The following SUGCT variants were observed in gnomAD, a reference collection of about 807,000 sequenced individuals.
SUGCT encodes the protein succinyl-CoA:glutarate-CoA transferase, also known as succinyl-CoA:glutarate CoA-transferase.
A neutral mutation model predicts 55.0 loss-of-function variants in SUGCT; 41 were observed. The observed-to-expected ratio is 0.74, with a 90% CI of 0.58 to 0.97. The LOEUF (loss-of-function observed/expected upper bound fraction) is 0.97. Ranked by LOEUF, SUGCT falls within the 50% of genes least tolerant of loss-of-function variation. The pLI is 0.00. For missense variants in SUGCT, 568 were observed against 547.8 expected (o/e 1.04, Z -0.37); for synonymous variants, 187 against 200.4 (o/e 0.93, Z 0.56).
the SUGCT span, among the ~76,000 whole-genome samples, chr7:40,887,084 C>T: frequency 6.6e-6 from 1 of 152,160 alleles, no homozygotes; most frequent in African/African-American, 2.4e-5. Flanking sequence ...CTTTGAGGAC[C>T]TCAAGGTGGA....
In SUGCT at chr7:40,173,845, T is replaced by A. The variant is rs541454328; in HGVS notation, c.101-7102T>A. On this transcript the variant is annotated intron_variant, in intron 1 of 13. Transcript: ENST00000335693. Reference sequence around the variant, plus strand: ...TATAGAAATAATATATAGTATATCATATAAATTATATATAATGTATTATAT... The same window carrying A: ...TATAGAAATAATATATAGTATATCAAATAAATTATATATAATGTATTATAT... Among the ~76,000 whole-genome samples the A allele has an allele frequency of 6.1e-4, 91 of 149,076 alleles. 2 individuals are homozygous for A. The South Asian group carries it at 0.018, about 29-fold the overall frequency.
At chr7:40,418,846 T>G (rs973915878) in intron 9 of SUGCT, among the ~76,000 whole-genome samples, 3 of 152,288 alleles carry the variant, frequency 2.0e-5, no homozygotes, top group South Asian at 2.1e-4. Flanking sequence ...GTTGGGCAGC[T>G]TAATTCTAGG....
intron 12 of SUGCT, among the ~76,000 whole-genome samples, chr7:40,528,333 G>A (rs1179258217): frequency 6.6e-6 from 1 of 152,110 alleles, no homozygotes; most frequent in Non-Finnish European, 1.5e-5. Flanking sequence ...TGCCCTTTGG[G>A]AATAGATCTG....
At chr7:40,997,497 C>T in the SUGCT span, among the ~76,000 whole-genome samples, 5 of 152,150 alleles carry the variant, frequency 3.3e-5, no homozygotes, top group Admixed American at 6.5e-5. Flanking sequence ...GGTTCACTTA[C>T]CACCACCCTG....
intron 9 of SUGCT, among the ~76,000 whole-genome samples, chr7:40,379,114 G>A (rs1784745729): frequency 6.6e-6 from 1 of 152,158 alleles, no homozygotes; most frequent in Admixed American, 6.5e-5. Context: ...GAGTAATGAA[G>A]CCTCAAAGCA....
the SUGCT span, among the ~76,000 whole-genome samples, chr7:40,896,406 G>A: frequency 2.6e-5 from 4 of 152,066 alleles, no homozygotes; most frequent in African/African-American, 9.7e-5. Context: ...TACCTGATAT[G>A]GTTTGGCTGT....
the SUGCT span, among the ~76,000 whole-genome samples, chr7:40,873,540 T>G: frequency 4.1e-4 from 63 of 152,350 alleles, no homozygotes; most frequent in African/African-American, 1.4e-3. Context: ...ACCTACGCCC[T>G]TCTTGCTTCC....
At chr7:40,241,834 C>T (rs1411220543) in intron 7 of SUGCT, among the ~76,000 whole-genome samples, 4 of 149,894 alleles carry the variant, frequency 2.7e-5, no homozygotes, top group East Asian at 4.0e-4. Flanking sequence ...GCAGGAGAAT[C>T]GCTTGAACCC....
intron 12 of SUGCT, among the ~76,000 whole-genome samples, chr7:40,717,656 C>T (rs1007958617): frequency 3.3e-5 from 5 of 152,276 alleles, no homozygotes; most frequent in Admixed American, 6.5e-5. Flanking sequence ...ACAATTTAAA[C>T]GCACAGAAAT....
At chr7:40,227,962 A>C (rs1788484987) in intron 6 of SUGCT, among the ~76,000 whole-genome samples, 1 of 151,944 alleles carries the variant, frequency 6.6e-6, no homozygotes, top group South Asian at 2.1e-4. Context: ...GGCTCACTGC[A>C]ATCTCCGCCT....
At chr7:40,542,003 C>T (rs1245133082) in intron 12 of SUGCT, among the ~76,000 whole-genome samples, 1 of 152,112 alleles carries the variant, frequency 6.6e-6, no homozygotes, top group East Asian at 1.9e-4. Flanking sequence ...TGAAGAAAGC[C>T]TTCCACCAGG....
At chr7:40,800,198 A>G (rs1790741612) in intron 13 of SUGCT, among the ~76,000 whole-genome samples, 1 of 151,706 alleles carries the variant, frequency 6.6e-6, no homozygotes, top group African/African-American at 2.4e-5. Context: ...CTGATGCTCC[A>G]TGCCTTGGAT....
chr7:40,962,953 C>T, the SUGCT span, among the ~76,000 whole-genome samples: 3 of 152,086 alleles, frequency 2.0e-5, no homozygotes, highest in Admixed American at 6.6e-5. Flanking sequence ...TTCCAGCTTC[C>T]TCCCCTTATA....
chr7:40,137,694 A>G (rs746990889), intron 1 of SUGCT, among the ~76,000 whole-genome samples: 7 of 151,940 alleles, frequency 4.6e-5, no homozygotes, highest in Non-Finnish European at 8.8e-5. Flanking sequence ...TATTTATTTA[A>G]GTATTGAGAC....
intron 13 of SUGCT, among the ~76,000 whole-genome samples, chr7:40,789,236 A>G (rs1228054919): frequency 6.6e-6 from 1 of 152,160 alleles, no homozygotes; most frequent in Non-Finnish European, 1.5e-5. Context: ...CATAATTGAA[A>G]CTTTATGCCC....
intron 12 of SUGCT, among the ~76,000 whole-genome samples, chr7:40,621,728 G>A (rs904233061): frequency 4.6e-5 from 7 of 152,154 alleles, no homozygotes; most frequent in Non-Finnish European, 8.8e-5. Context: ...GGAACTTTCT[G>A]GCTTAATGCA....
the SUGCT span, among the ~76,000 whole-genome samples, chr7:41,034,306 C>A: frequency 2.0e-5 from 3 of 152,116 alleles, no homozygotes; most frequent in Non-Finnish European, 2.9e-5. Context: ...CATGTAATAT[C>A]TGTGTGGTCG....
chr7:40,264,951 C>T (rs1319089822), intron 7 of SUGCT, among the ~76,000 whole-genome samples: 4 of 152,190 alleles, frequency 2.6e-5, no homozygotes, highest in African/African-American at 9.7e-5. Flanking sequence ...TGCTTTTATA[C>T]ACCTTTTCTT....
rs896529464 is a variant in SUGCT, at chr7:40,832,776, G to T, written c.1154-27540G>T. 2.6e-5 allele frequency among the ~76,000 whole-genome samples: 4 copies of T among 151,104 alleles called. 1 individual carries two copies. The highest frequency in any genetic ancestry group is 5.9e-5 in the Non-Finnish European group (4 of 67,908). ...TGCAAGCTCCGCCTCCCAGGTTCAC[G>T]CCATTCTCTTGCCTCACCCTCCCAA... On this transcript the variant is annotated intron_variant, in intron 13 of 13. Transcript: ENST00000335693.
Sources: allele counts gnomAD v4.1 joint callset (sites outside exome capture counted in the v4.1 genomes callset), GRCh38; gene constraint gnomAD v4.1.1; transcripts MANE v1.5; gene names NCBI Gene and HGNC (gene_info 2026-07-23, HGNC 2026-07-21).